ERBB4: variants seen among roughly 807,000 people sequenced by gnomAD.
The protein encoded by ERBB4 is receptor tyrosine-protein kinase erbB-4.
In ERBB4, 42 loss-of-function variants were observed where a neutral mutation model predicts 158.0. The ratio of observed to expected loss-of-function variants is 0.27; its 90% CI spans 0.21 to 0.34. The LOEUF is 0.34. ERBB4 is among the 10% of genes least tolerant of loss of function. The pLI is 1.00. For synonymous variants in ERBB4, 583 were observed against 558.7 expected (o/e 1.04, Z -0.61); for missense variants, 1,333 against 1,624.1 (o/e 0.82, Z 3.08).
chr2:211,690,763 G>T (rs2072782066), intron 12 of ERBB4, among the ~76,000 whole-genome samples: 2 of 152,156 alleles, frequency 1.3e-5, no homozygotes, highest in South Asian at 4.1e-4. Flanking sequence ...TTCCTGCAGT[G>T]ATAGTCATGA....
At chr2:211,896,920 T>C (rs2079112091) in intron 3 of ERBB4, among the ~76,000 whole-genome samples, 1 of 151,982 alleles carries the variant, frequency 6.6e-6, no homozygotes, top group Non-Finnish European at 1.5e-5. Flanking sequence ...GAATACTTAG[T>C]CAAATTTTTG....
intron 17 of ERBB4, among the ~76,000 whole-genome samples, chr2:211,629,985 G>A (rs906783687): frequency 5.9e-5 from 9 of 152,140 alleles, no homozygotes; most frequent in African/African-American, 1.9e-4. Flanking sequence ...ACATAGGCAT[G>A]GGCAAGGACT....
At chr2:211,693,037 G>T (rs1432948543) in intron 12 of ERBB4, among the ~76,000 whole-genome samples, 1 of 152,172 alleles carries the variant, frequency 6.6e-6, no homozygotes, top group Non-Finnish European at 1.5e-5. Flanking sequence ...TTAAATAGAT[G>T]CTACACAAAT....
chr2:211,837,754 T>C (rs2077373741), intron 3 of ERBB4, among the ~76,000 whole-genome samples: 1 of 152,106 alleles, frequency 6.6e-6, no homozygotes, highest in Non-Finnish European at 1.5e-5. Flanking sequence ...TCCTGTCATC[T>C]CTCTAGGCAC....
chr2:211,688,275 C>A (rs2105987934), intron 12 of ERBB4, among the ~76,000 whole-genome samples: 1 of 152,282 alleles, frequency 6.6e-6, no homozygotes, highest in South Asian at 2.1e-4. Flanking sequence ...TCTTACAGCG[C>A]AGTTGTCTCT....
intron 1 of ERBB4, among the ~76,000 whole-genome samples, chr2:212,438,460 T>C (rs1011312343): frequency 5.9e-5 from 9 of 152,084 alleles, no homozygotes; most frequent in African/African-American, 2.2e-4. Flanking sequence ...ATGCTGTGTG[T>C]GTTGTGTATG....
intron 3 of ERBB4, among the ~76,000 whole-genome samples, chr2:211,854,400 G>C (rs1276939660): frequency 4.6e-5 from 7 of 151,956 alleles, no homozygotes; most frequent in African/African-American, 1.7e-4. Flanking sequence ...TTTTTAAAAA[G>C]GGCAAAACAC....
intron 2 of ERBB4, among the ~76,000 whole-genome samples, chr2:211,990,884 C>T (rs1456751905): frequency 6.6e-6 from 1 of 151,874 alleles, no homozygotes; most frequent in African/African-American, 2.4e-5. Context: ...GGAACATTTT[C>T]ATAACATTAT....
At chr2:211,949,975 C>A (rs1287214234) in intron 2 of ERBB4, among the ~76,000 whole-genome samples, 1 of 152,124 alleles carries the variant, frequency 6.6e-6, no homozygotes, top group Non-Finnish European at 1.5e-5. Flanking sequence ...GGTTTGTTAA[C>A]TTGTGTGTCT....
At chr2:212,185,024 T>TTTTTTTTC in intron 1 of ERBB4, among the ~76,000 whole-genome samples, 1 of 141,976 alleles carries the variant, frequency 7.0e-6, no homozygotes. Context: ...TTTTTTTCTT[T>TTTTTTTTC]TTTTTTTTTC....
chr2:212,227,664 A>G (rs983873048), intron 1 of ERBB4, among the ~76,000 whole-genome samples: 2 of 152,180 alleles, frequency 1.3e-5, no homozygotes, highest in East Asian at 1.9e-4. Context: ...ATAAAGAAAT[A>G]CATTATAAGT....
In ERBB4 at chr2:211,378,387, C is replaced by G. The variant is rs566995166; in HGVS notation, c.*5228G>C. On this transcript the variant is annotated 3_prime_UTR_variant, in exon 28 of 28. Transcript: ENST00000342788. ...GCAGGGGCCTGCAAAAGTGACAGAT[C>G]CTACATTTTTGGACCTCTACAAAAT... 4 of 232,736 alleles carry G rather than the reference C, an allele frequency of 1.7e-5. No individual in the cohort carries two copies. In the East Asian group the frequency reaches 2.4e-4, roughly 14 times the overall value. 14.4% of individuals were successfully genotyped at this position (232,736 alleles called of 1,614,324 possible). A position where few individuals can be genotyped will look rare whatever the true frequency, so the allele number is the denominator to read the frequency against.
chr2:211,458,238 C>A (rs1424019267), intron 20 of ERBB4, among the ~76,000 whole-genome samples: 1 of 151,962 alleles, frequency 6.6e-6, no homozygotes, highest in African/African-American at 2.4e-5. Context: ...GTACAATGAG[C>A]CTTTGACCAA....
At chr2:211,825,855 A>G (rs1046643836) in intron 3 of ERBB4, among the ~76,000 whole-genome samples, 35 of 146,974 alleles carry the variant, frequency 2.4e-4, no homozygotes, top group African/African-American at 8.4e-4. Context: ...ATATTTTATT[A>G]TATTATATTA....
chr2:212,095,113 T>C (rs2078890669), intron 2 of ERBB4, among the ~76,000 whole-genome samples: 2 of 152,178 alleles, frequency 1.3e-5, no homozygotes, highest in Admixed American at 1.3e-4. Flanking sequence ...TCATCTTGAT[T>C]GCTAGATTGT....
At position 211,378,234 on chromosome 2, in the gene ERBB4, CAA is replaced by C; in HGVS notation, c.*5379_*5380del. On this transcript the variant is annotated 3_prime_UTR_variant, in exon 28 of 28. Transcript: ENST00000342788. ...ATCACTTACTTGCAAAGCTGACTGT[CAA>C]AGAGTATTTTCCAGAGGAAGCATGT... 1 of 232,948 alleles carries C rather than the reference CAA, an allele frequency of 4.3e-6. No homozygotes were observed. The allele number at this position is 232,948 out of a possible 1,614,324, so 14.4% of individuals were successfully genotyped here.
chr2:211,422,773 C>T (rs1015487418), intron 23 of ERBB4, among the ~76,000 whole-genome samples: 1 of 151,852 alleles, frequency 6.6e-6, no homozygotes, highest in Non-Finnish European at 1.5e-5. Flanking sequence ...TAAAATTCTC[C>T]ATTAGGGAAA....
At chr2:212,261,955 A>G (rs991829633) in intron 1 of ERBB4, among the ~76,000 whole-genome samples, 4 of 152,142 alleles carry the variant, frequency 2.6e-5, no homozygotes, top group Non-Finnish European at 5.9e-5. Context: ...GTAAAAATTT[A>G]TTTTTACTGT....
intron 19 of ERBB4, among the ~76,000 whole-genome samples, chr2:211,580,844 T>TATTA (rs1232460302): frequency 0.046 from 2,692 of 58,678 alleles, 423 homozygotes; most frequent in Non-Finnish European, 0.064. Flanking sequence ...AGATTATATA[T>TATTA]TATATATATA....
Sources: gnomAD v4.1 joint callset for allele counts (sites outside exome capture counted in the v4.1 genomes callset) on GRCh38, gnomAD v4.1.1 for gene constraint, MANE v1.5 for transcripts, NCBI Gene and HGNC (gene_info 2026-07-23, HGNC 2026-07-21) for gene names.